The following CAMKK1 variants were observed in gnomAD, a reference collection of about 807,000 sequenced individuals.
CAMKK1 encodes calcium/calmodulin dependent protein kinase kinase 1, also known as calcium/calmodulin-dependent protein kinase kinase 1.
In CAMKK1, 20 loss-of-function variants were observed where a neutral mutation model predicts 63.5. The ratio of observed to expected loss-of-function variants is 0.32; its 90% CI spans 0.22 to 0.46. The LOEUF (loss-of-function observed/expected upper bound fraction) is 0.46, where lower values mean the gene tolerates loss of function less well. Among genes scored for constraint, CAMKK1 ranks in the 20% least tolerant of loss-of-function variants. CAMKK1 has a pLI of 1.00. For missense variants in CAMKK1, 588 were observed against 658.1 expected (o/e 0.89, Z 1.17); for synonymous variants, 253 against 269.0 (o/e 0.94, Z 0.58).
intron 8 of CAMKK1, 81 bp downstream of exon 8, chr17:3,881,546 C>T (rs902850702): frequency 3.6e-6 from 5 of 1,390,054 alleles, no homozygotes; most frequent in East Asian, 2.5e-5. Context: ...AGTAGCTGAC[C>T]CCTGGGCTGG....
chr17:3,882,459 T>C lies in CAMKK1; in HGVS notation c.685+69A>G, dbSNP rs1271714089. 2.5e-6 allele frequency: 4 copies of C among 1,591,236 alleles called. No individual in the cohort carries two copies. The East Asian group carries it at 9.0e-5, about 36-fold the overall frequency. On this transcript the variant is annotated intron_variant, in intron 7 of 15. Coordinates refer to ENST00000348335, the MANE Select transcript of CAMKK1 (RefSeq NM_032294.3). This position sits in a 1 kb window ranked among gnomAD's most constrained non-coding sequence, Gnocchi z 4.3. ...ATTTACACCGCCCACCTGAAGGTCA[T>C]ACATGTCCCAAGGGAGCCCTTGGGC... is the stretch of plus-strand genomic sequence containing the variant.
intron 12 of CAMKK1, among the ~76,000 whole-genome samples, chr17:3,872,234 C>A (rs1283396523): frequency 6.6e-6 from 1 of 152,226 alleles, no homozygotes; most frequent in African/African-American, 2.4e-5. Flanking sequence ...AGGAGAAGTT[C>A]CCCTTGAGTC....
At chr17:3,865,790 G>T in intron 15 of CAMKK1, 118 bp downstream of exon 15, 2 of 1,514,532 alleles carry the variant, frequency 1.3e-6, no homozygotes, top group Non-Finnish European at 1.8e-6. Context: ...ACCGAGACCT[G>T]GCCAAGTCCC....
Position 3,870,657 on chromosome 17 carries a change from G to A in CAMKK1, c.1125-769C>T, listed in dbSNP as rs576169553. Among the ~76,000 whole-genome samples the A allele has an allele frequency of 1.6e-4, 24 of 152,210 alleles. No individual in the cohort carries two copies. The South Asian group carries it at 3.1e-3, about 20-fold the overall frequency. On this transcript the variant is annotated intron_variant, in intron 12 of 15. Transcript: ENST00000348335. ...TGGGATTACAGGCGTGAGCCACCAC[G>A]CCCGGCCAAACCCCAGGTTTCTTTG...
intron 12 of CAMKK1, among the ~76,000 whole-genome samples, chr17:3,871,756 G>C (rs187645657): frequency 1.2e-3 from 160 of 138,798 alleles, no homozygotes; most frequent in Middle Eastern, 4.2e-3. Flanking sequence ...AGCAATTCTC[G>C]TGCTTCAGCC....
chr17:3,860,831 G>C lies in CAMKK1; in HGVS notation c.*1380C>G, dbSNP rs1180599179. The C allele has an allele frequency of 6.6e-6, 1 of 152,284 alleles. No homozygotes were observed. The highest frequency in any genetic ancestry group is 2.4e-5 in the African/African-American group (1 of 41,454). 9.4% of individuals were successfully genotyped at this position (152,284 alleles called of 1,614,324 possible). On this transcript the variant is annotated 3_prime_UTR_variant, in exon 16 of 16. Transcript: ENST00000348335. ...ATGCACCCACAGGCGCGGAGATGCA[G>C]CGGGATCCGGGTTTCTCCCCCAGCC...
At chr17:3,872,363 A>G (rs994174118) in intron 12 of CAMKK1, among the ~76,000 whole-genome samples, 191 bp downstream of exon 12, 1 of 152,172 alleles carries the variant, frequency 6.6e-6, no homozygotes, top group Non-Finnish European at 1.5e-5. Flanking sequence ...CCATCCACAC[A>G]GTGACGTTGC....
intron 12 of CAMKK1, among the ~76,000 whole-genome samples, chr17:3,871,546 T>A (rs57901662): frequency 1.3e-5 from 2 of 148,424 alleles, no homozygotes; most frequent in Non-Finnish European, 3.0e-5. Flanking sequence ...TTAGTAGAGA[T>A]GGGGTTTCAC....
rs1336502930 is a variant in CAMKK1 at position 3,879,987 on chromosome 17, G to A, written c.796+359C>T. 3.6e-6 allele frequency: 1 copy of A among 280,320 alleles called. No individual in the cohort carries two copies. The highest frequency in any genetic ancestry group is 6.9e-6 in the Non-Finnish European group (1 of 143,962). 17.4% of individuals were successfully genotyped at this position (280,320 alleles called of 1,614,324 possible). ...CCACCATGCCCCGGCCCCATGCCAG[G>A]ACAGACTCTCCCCAGCAGCTGGACA... On this transcript the variant is annotated intron_variant, in intron 9 of 15. Transcript: ENST00000348335. The surrounding 1 kb of genome is among the most constrained non-coding windows in gnomAD (Gnocchi z 4.5).
chr17:3,880,437 A>G lies in CAMKK1; in HGVS notation c.708-3T>C. On this transcript the variant is annotated splice_polypyrimidine_tract_variant and splice_region_variant and intron_variant, in intron 8 of 15. Transcript: ENST00000348335. ...CACAGGGCACTTCCATGACGGGCCT[A>G]TGGAGAAGGATGCGGGGAGGGGCAT... is the stretch of plus-strand genomic sequence containing the variant. 6.2e-7 allele frequency: 1 copy of G among 1,612,212 alleles called. No individual in the cohort carries two copies. Among genetic ancestry groups the G allele is most frequent in the South Asian group, 1.1e-5 (1 of 90,736 alleles).
intron 12 of CAMKK1, among the ~76,000 whole-genome samples, chr17:3,872,184 C>T (rs143128260): frequency 5.7e-4 from 87 of 152,330 alleles, no homozygotes; most frequent in Admixed American, 1.4e-3. Context: ...ATGGGGAGCA[C>T]GCACTGGCAT....
rs1488897569 is a variant in CAMKK1, at chr17:3,861,108, G to A, written c.*1103C>T. 6.6e-6 allele frequency: 1 copy of A among 152,400 alleles called. No homozygotes were observed. The highest frequency in any genetic ancestry group is 1.9e-4 in the East Asian group (1 of 5,208). The allele number at this position is 152,400 out of a possible 1,614,324, so 9.4% of individuals were successfully genotyped here. On this transcript the variant is annotated 3_prime_UTR_variant, in exon 16 of 16. Transcript: ENST00000348335. ...CACCCCCGCTCTGAGCAGGCTGACT[G>A]CTGATGTCCTCAGGGTGAGGCAATT... is the stretch of plus-strand genomic sequence containing the variant.
At position 3,883,610 on chromosome 17, in the gene CAMKK1, T is replaced by A; in HGVS notation, c.463-130A>T. On this transcript the variant is annotated intron_variant, in intron 4 of 15. Coordinates refer to ENST00000348335, the MANE Select transcript of CAMKK1 (RefSeq NM_032294.3). This position sits in a 1 kb window ranked among gnomAD's most constrained non-coding sequence, Gnocchi z 4.7. ...ACTGGCCCTGAGGGTGTGGCCCAGGTAAGTGTTAAGCGGGGTTGGGGGTGG... is the reference window on the plus strand; with the variant it reads ...ACTGGCCCTGAGGGTGTGGCCCAGGAAAGTGTTAAGCGGGGTTGGGGGTGG... 1 of 861,298 alleles carries A rather than the reference T, an allele frequency of 1.2e-6. No homozygotes were observed. The allele number at this position is 861,298 out of a possible 1,614,324, so 53.4% of individuals were successfully genotyped here.
chr17:3,880,645 C>T (rs1400217017), intron 8 of CAMKK1, among the ~76,000 whole-genome samples: 1 of 152,232 alleles, frequency 6.6e-6, no homozygotes, highest in African/African-American at 2.4e-5. Flanking sequence ...CTCTTAATTT[C>T]TGATTGGCTT....
rs2054327701 is a variant in CAMKK1, at chr17:3,861,311, C to T, written c.*900G>A. ...AGTTATTTCAGCATGCGCAGGGCCA[C>T]AGGCCTGTCGCGTCCATGGCCCTCG... On this transcript the variant is annotated 3_prime_UTR_variant, in exon 16 of 16. Coordinates refer to ENST00000348335, the MANE Select transcript of CAMKK1 (RefSeq NM_032294.3). 6.6e-6 allele frequency: 1 copy of T among 152,514 alleles called. No individual in the cohort carries two copies. Among genetic ancestry groups the T allele is most frequent in the South Asian group, 2.1e-4 (1 of 4,830 alleles). 9.4% of individuals were successfully genotyped at this position (152,514 alleles called of 1,614,324 possible). A position where few individuals can be genotyped will look rare whatever the true frequency, so the allele number is the denominator to read the frequency against.
intron 14 of CAMKK1, among the ~76,000 whole-genome samples, chr17:3,867,925 G>T (rs575806350): frequency 1.3e-5 from 2 of 151,764 alleles, no homozygotes; most frequent in East Asian, 3.9e-4. Context: ...CGAAATGTGA[G>T]CGGGCACTAG....
rs1239304139 is a variant in CAMKK1 at position 3,860,490 on chromosome 17, CT to C, written c.*1720del. 2.0e-5 allele frequency: 3 copies of C among 152,654 alleles called. No individual in the cohort carries two copies. Among genetic ancestry groups the C allele is most frequent in the Admixed American group, 1.3e-4 (2 of 15,286 alleles). The allele number at this position is 152,654 out of a possible 1,614,324, so 9.5% of individuals were successfully genotyped here. A position where few individuals can be genotyped will look rare whatever the true frequency, so the allele number is the denominator to read the frequency against. ...GTGAGCATCCCACCTGGGCCTACCCCTGAGCTTTCCAAGGGTGGGTCCGATC... is the reference window on the plus strand; with the variant it reads ...GTGAGCATCCCACCTGGGCCTACCCCGAGCTTTCCAAGGGTGGGTCCGATC... On this transcript the variant is annotated 3_prime_UTR_variant, in exon 16 of 16. Coordinates refer to ENST00000348335, the MANE Select transcript of CAMKK1 (RefSeq NM_032294.3).
At chr17:3,873,771 G>A (rs1171438149) in intron 10 of CAMKK1, among the ~76,000 whole-genome samples, 3 of 152,198 alleles carry the variant, frequency 2.0e-5, no homozygotes, top group African/African-American at 2.4e-5. Flanking sequence ...GGCCGCTCCC[G>A]TGCCACAGAC....
At position 3,876,386 on chromosome 17, in the gene CAMKK1, G is replaced by A. The variant is rs1275632040; in HGVS notation, c.833C>T (p.Pro278Leu). The A allele has an allele frequency of 1.2e-6, 2 of 1,614,106 alleles. No individual in the cohort carries two copies. The highest frequency in any genetic ancestry group is 1.7e-5 in the Admixed American group (1 of 60,008). The change falls in exon 10 of 16, where the codon CCA becomes CTA. Residue 278 changes from proline (P) to leucine (L), a missense_variant. Physicochemically the swap from Pro to Leu is moderately conservative, Grantham distance 98 (BLOSUM62 -3). Around this residue, in one of 3 missense-constraint regions of CAMKK1, gnomAD observed 357 missense variants for 407.4 expected, o/e 0.88. Transcript: ENST00000348335. The part of the protein sequence containing the change: ...CQKIVHRDIK[P>L]SNLLLGDDGH... ...ATCATCCCCCAGGAGCAGGTTGGAT[G>A]GCTTGATGTCCCTGTGGACGATCTT... is the stretch of plus-strand genomic sequence containing the variant.
Sources: allele counts gnomAD v4.1 joint callset (sites outside exome capture counted in the v4.1 genomes callset), GRCh38; gene constraint gnomAD v4.1.1; regional missense constraint gnomAD v4.1.1; non-coding constraint Gnocchi (gnomAD v3.1); transcripts MANE v1.5; gene names NCBI Gene and HGNC (gene_info 2026-07-23, HGNC 2026-07-21).